NCALD: variants seen among roughly 807,000 people sequenced by gnomAD.
NCALD encodes the protein neurocalcin-delta.
Under a neutral mutation model 18.6 loss-of-function variants are expected in NCALD, and 10 were observed. The observed-to-expected ratio is 0.54, with a 90% confidence interval of 0.33 to 0.91. The LOEUF (loss-of-function observed/expected upper bound fraction) is 0.91, where lower values mean the gene tolerates loss of function less well. Among genes scored for constraint, NCALD ranks in the 40% least tolerant of loss-of-function variants. NCALD has a pLI of 0.03. For missense variants in NCALD, 184 were observed against 247.6 expected (o/e 0.74, Z 1.72); for synonymous variants, 88 against 87.4 (o/e 1.01, Z -0.04).
chr8:101,690,116 G>A (rs1461589453), intron 3 of NCALD, among the ~76,000 whole-genome samples: 3 of 149,546 alleles, frequency 2.0e-5, no homozygotes, highest in Non-Finnish European at 2.9e-5. Context: ...CTCCCACTCC[G>A]ACCCCGGTGA....
At chr8:101,742,923 G>A (rs1810274785) in intron 1 of NCALD, among the ~76,000 whole-genome samples, 2 of 152,102 alleles carry the variant, frequency 1.3e-5, no homozygotes, top group Admixed American at 6.5e-5. Context: ...AACATGTGGT[G>A]TTTGGTTTTC....
At chr8:101,976,286 C>T (rs1337066866) in intron 2 of NCALD, among the ~76,000 whole-genome samples, 1 of 152,126 alleles carries the variant, frequency 6.6e-6, no homozygotes, top group Non-Finnish European at 1.5e-5. Flanking sequence ...TTTGAGAGTG[C>T]CTGCCACCTC....
chr8:102,008,526 T>C (rs1314058220), intron 2 of NCALD, among the ~76,000 whole-genome samples: 1 of 151,224 alleles, frequency 6.6e-6, no homozygotes, highest in Non-Finnish European at 1.5e-5. Flanking sequence ...TCCTTCTGTT[T>C]CTTAAAAGCA....
chr8:101,768,437 G>A lies in NCALD; in HGVS notation c.-20+22425C>T, dbSNP rs571462470. ...CAGAAAGGGTAAATTAGCCTGGTGC[G>A]GTGACTCAGGCCTGTAATCCCAGCA... On this transcript the variant is annotated intron_variant, in intron 1 of 3. Coordinates refer to ENST00000220931, the MANE Select transcript of NCALD (RefSeq NM_032041.3). Among the ~76,000 whole-genome samples, 10 of 152,254 alleles carry A rather than the reference G, an allele frequency of 6.6e-5. No individual in the cohort carries two copies. In the East Asian group the frequency reaches 7.7e-4, roughly 12 times the overall value.
intron 3 of NCALD, among the ~76,000 whole-genome samples, chr8:101,898,728 G>T (rs1242964697): frequency 1.3e-5 from 2 of 152,058 alleles, no homozygotes; most frequent in South Asian, 2.1e-4. Flanking sequence ...CAAGTTCTCT[G>T]TTCTGTCCTA....
chr8:101,787,289 C>T (rs1177870073), intron 1 of NCALD, among the ~76,000 whole-genome samples: 1 of 152,188 alleles, frequency 6.6e-6, no homozygotes, highest in South Asian at 2.1e-4. Flanking sequence ...GCTCCCAAGG[C>T]AAGTGTTCTT....
At chr8:101,817,475 G>A (rs900255636) in intron 4 of NCALD, among the ~76,000 whole-genome samples, 1 of 151,934 alleles carries the variant, frequency 6.6e-6, no homozygotes, top group South Asian at 2.1e-4. Context: ...ATAAATCACG[G>A]TTTCAGCCTC....
At chr8:102,061,024 A>G (rs574634929) in intron 1 of NCALD, among the ~76,000 whole-genome samples, 1 of 151,998 alleles carries the variant, frequency 6.6e-6, no homozygotes, top group South Asian at 2.1e-4. Context: ...GATGTCCCAG[A>G]CTCCCGCCCC....
At chr8:102,013,551 C>A (rs1252292259) in intron 2 of NCALD, among the ~76,000 whole-genome samples, 1 of 152,144 alleles carries the variant, frequency 6.6e-6, no homozygotes, top group Non-Finnish European at 1.5e-5. Flanking sequence ...GCCAGGGCAA[C>A]CAGAACAACT....
At chr8:102,053,995 A>C (rs768468590) in intron 1 of NCALD, among the ~76,000 whole-genome samples, 2 of 152,116 alleles carry the variant, frequency 1.3e-5, no homozygotes, top group African/African-American at 2.4e-5. Context: ...TGATTCTTAC[A>C]CAGTTTGAAA....
intron 1 of NCALD, among the ~76,000 whole-genome samples, chr8:102,096,647 T>C (rs1825112617): frequency 6.6e-6 from 1 of 151,780 alleles, no homozygotes; most frequent in Admixed American, 6.6e-5. Flanking sequence ...GATTGCTTTC[T>C]GCAACCAATT....
chr8:102,059,001 A>G (rs759527762), intron 1 of NCALD, among the ~76,000 whole-genome samples: 23 of 152,222 alleles, frequency 1.5e-4, no homozygotes, highest in Non-Finnish European at 2.5e-4. Context: ...ATTTTCCCCT[A>G]AAGTCTCCAG....
At chr8:101,976,575 TAAATTGTACAC>T (rs780076967) in intron 2 of NCALD, among the ~76,000 whole-genome samples, 4 of 152,240 alleles carry the variant, frequency 2.6e-5, no homozygotes, top group Non-Finnish European at 4.4e-5. Context: ...ATATACAAAA[TAAATTGTACAC>T]ATAGATTCTT....
chr8:101,781,445 G>A (rs1812008255), intron 1 of NCALD, among the ~76,000 whole-genome samples: 1 of 152,188 alleles, frequency 6.6e-6, no homozygotes, highest in Non-Finnish European at 1.5e-5. Context: ...GTGACAAGGA[G>A]CACAACATGG....
chr8:102,111,884 AT>A (rs1306929372), intron 1 of NCALD, among the ~76,000 whole-genome samples: 1 of 152,214 alleles, frequency 6.6e-6, no homozygotes, highest in Non-Finnish European at 1.5e-5. Flanking sequence ...GACCCCAAAT[AT>A]TAACTCTGGC....
intron 1 of NCALD, among the ~76,000 whole-genome samples, chr8:101,734,315 C>T (rs1816980314): frequency 6.6e-6 from 1 of 152,198 alleles, no homozygotes; most frequent in Non-Finnish European, 1.5e-5. Context: ...CTTGGGGAGG[C>T]CTTCTCTGAC....
At chr8:101,959,491 G>A (rs554497984) in intron 2 of NCALD, among the ~76,000 whole-genome samples, 27 of 152,208 alleles carry the variant, frequency 1.8e-4, no homozygotes, top group African/African-American at 6.3e-4. Flanking sequence ...AAATATCTCA[G>A]TCCTCAAAAA....
At chr8:101,996,016 T>G (rs1777836012) in intron 2 of NCALD, among the ~76,000 whole-genome samples, 1 of 152,244 alleles carries the variant, frequency 6.6e-6, no homozygotes, top group African/African-American at 2.4e-5. Flanking sequence ...AGCAAGGTAA[T>G]AAAGCTAAGT....
chr8:101,773,223 C>T (rs781739232), intron 1 of NCALD, among the ~76,000 whole-genome samples: 39 of 152,114 alleles, frequency 2.6e-4, no homozygotes, highest in Non-Finnish European at 5.0e-4. Context: ...TGCCTGGGAG[C>T]ATGGCACTCT....
Sources: gnomAD v4.1 joint callset for allele counts (sites outside exome capture counted in the v4.1 genomes callset) on GRCh38, gnomAD v4.1.1 for gene constraint, MANE v1.5 for transcripts, NCBI Gene and HGNC (gene_info 2026-07-23, HGNC 2026-07-21) for gene names.